Variants in HS6ST2 observed in about 807,000 individuals in gnomAD.
The protein encoded by HS6ST2 is heparan sulfate 6-O-sulfotransferase 2, also known as heparan-sulfate 6-O-sulfotransferase 2.
Under a neutral mutation model 33.0 loss-of-function variants are expected in HS6ST2, and 17 were observed. The observed-to-expected ratio is 0.52, with a 90% CI of 0.35 to 0.77. The LOEUF (loss-of-function observed/expected upper bound fraction) is 0.77, where lower values mean the gene tolerates loss of function less well. Ranked by LOEUF, HS6ST2 falls within the 30% of genes least tolerant of loss-of-function variation. The probability of loss-of-function intolerance (pLI) is 0.01; values close to 1 mark genes in which losing one functional copy is unlikely to be tolerated. For synonymous variants in HS6ST2, 248 were observed against 237.1 expected, an observed-to-expected ratio of 1.05 and a Z score of -0.42; for missense variants, 519 against 551.7, an observed-to-expected ratio of 0.94 and a Z score of 0.59.
At chrX:132,880,585 G>A (rs958664138) in intron 2 of HS6ST2, among the ~76,000 whole-genome samples, 25 of 107,716 alleles carry the variant, frequency 2.3e-4, no homozygotes, top group Admixed American at 8.9e-4. Flanking sequence ...AAGATGTGTC[G>A]CAAATTTAGC....
intron 2 of HS6ST2, among the ~76,000 whole-genome samples, chrX:132,932,203 AC>A (rs1411270303): frequency 1.9e-5 from 2 of 104,397 alleles, no homozygotes; most frequent in Non-Finnish European, 4.0e-5. Flanking sequence ...AAAAAAAAAT[AC>A]CCCAGCAAAA....
At chrX:132,720,739 T>G (rs1311025321) in intron 2 of HS6ST2, among the ~76,000 whole-genome samples, 4 of 104,904 alleles carry the variant, frequency 3.8e-5, no homozygotes, top group Admixed American at 3.1e-4. Context: ...AGATATTCCA[T>G]GCCAATGGAA....
intron 2 of HS6ST2, among the ~76,000 whole-genome samples, chrX:132,905,065 A>T (rs2066459147): frequency 9.0e-6 from 1 of 111,080 alleles, no homozygotes. Flanking sequence ...GGTCTTTCCC[A>T]TATTTATTTA....
intron 2 of HS6ST2, among the ~76,000 whole-genome samples, chrX:132,752,820 T>A (rs2064719612): frequency 8.9e-6 from 1 of 112,297 alleles, no homozygotes. Context: ...TGACATTATG[T>A]CTTGATTGAA....
At chrX:132,952,037 A>C (rs779186138) in intron 2 of HS6ST2, among the ~76,000 whole-genome samples, 1 of 112,120 alleles carries the variant, frequency 8.9e-6, no homozygotes, top group Admixed American at 9.5e-5. Flanking sequence ...ACGGATGGCT[A>C]TTCTTTTAAT....
intron 2 of HS6ST2, among the ~76,000 whole-genome samples, chrX:132,766,317 A>G (rs771795567): frequency 4.4e-5 from 5 of 112,428 alleles, no homozygotes; most frequent in Non-Finnish European, 9.4e-5. Context: ...TTTTGAAATG[A>G]TATGATTGAT....
At chrX:132,865,764 G>C (rs377314112) in intron 2 of HS6ST2, among the ~76,000 whole-genome samples, 1 of 112,086 alleles carries the variant, frequency 8.9e-6, no homozygotes, top group Admixed American at 9.4e-5. Context: ...TTTTTGGCTG[G>C]ATAAATGTCT....
chrX:132,697,842 G>A (rs1374675314), intron 3 of HS6ST2, among the ~76,000 whole-genome samples: 2 of 112,023 alleles, frequency 1.8e-5, no homozygotes. Context: ...GCCTGGCAGA[G>A]TAGTTGCTCA....
At chrX:132,726,276 C>T (rs2064391231) in intron 2 of HS6ST2, among the ~76,000 whole-genome samples, 1 of 109,923 alleles carries the variant, frequency 9.1e-6, no homozygotes, top group African/African-American at 3.3e-5. Context: ...TCAAGTACCC[C>T]AGAAATATAT....
intron 4 of HS6ST2, among the ~76,000 whole-genome samples, chrX:132,633,106 G>A (rs889720720): frequency 9.4e-6 from 1 of 106,870 alleles, no homozygotes; most frequent in Admixed American, 1.0e-4. Flanking sequence ...ATGAGTCAAG[G>A]AGAGAGGAAA....
chrX:132,889,424 G>T (rs766283725), intron 2 of HS6ST2, among the ~76,000 whole-genome samples: 86 of 110,967 alleles, frequency 7.8e-4, no homozygotes, highest in Non-Finnish European at 1.3e-3. Context: ...CAAGAGAAGG[G>T]GGGAAGTGGC....
chrX:132,821,826 A>G (rs1372979486), intron 2 of HS6ST2, among the ~76,000 whole-genome samples: 1 of 110,295 alleles, frequency 9.1e-6, no homozygotes, highest in Non-Finnish European at 1.9e-5. Flanking sequence ...CCCTATCTCT[A>G]CTAAAAATAC....
At position 132,653,475 on chromosome X, in the gene HS6ST2, T is replaced by G. The variant is rs182895997; in HGVS notation, c.1067+15638A>C. 1.5e-4 allele frequency among the ~76,000 whole-genome samples: 17 copies of G among 112,001 alleles called. No individual in the cohort carries two copies. In the East Asian group the frequency reaches 4.8e-3, roughly 31 times the overall value. ...CTGGAAAGGATCTCGTGTTTCTAGC[T>G]CCATTATTTGTGTTGATAGTGGTGA... On this transcript the variant is annotated intron_variant, in intron 4 of 4. Coordinates refer to ENST00000370833, the MANE Select transcript of HS6ST2 (RefSeq NM_001394073.1).
chrX:132,631,438 T>A (rs751704388), intron 4 of HS6ST2, among the ~76,000 whole-genome samples: 21 of 109,945 alleles, frequency 1.9e-4, no homozygotes, highest in Non-Finnish European at 4.0e-4. Flanking sequence ...TGCTAAAGAG[T>A]AGCAGCTTTT....
chrX:132,681,342 A>G (rs752085797), intron 3 of HS6ST2, among the ~76,000 whole-genome samples: 1 of 112,585 alleles, frequency 8.9e-6, no homozygotes, highest in Non-Finnish European at 1.9e-5. Flanking sequence ...AGTTTATGCA[A>G]ATATGGTTAT....
chrX:132,881,978 G>A (rs1014091787), intron 2 of HS6ST2, among the ~76,000 whole-genome samples: 7 of 111,192 alleles, frequency 6.3e-5, no homozygotes, highest in Non-Finnish European at 1.1e-4. Flanking sequence ...TGTTCCATTG[G>A]TCTATATCTC....
intron 4 of HS6ST2, among the ~76,000 whole-genome samples, chrX:132,644,302 G>C (rs932501094): frequency 5.4e-5 from 6 of 110,366 alleles, no homozygotes; most frequent in African/African-American, 2.0e-4. Flanking sequence ...ATCACAATGA[G>C]AAATTTGAAA....
At chrX:132,959,978 A>T (rs775897390), upstream of HS6ST2, among the ~76,000 whole-genome samples, 10 of 111,737 alleles carry the variant, frequency 8.9e-5, no homozygotes, top group Non-Finnish European at 1.9e-4. Flanking sequence ...GTGCCCCCAA[A>T]CCTACTGGGG....
chrX:132,939,386 A>T (rs960298927), intron 2 of HS6ST2, among the ~76,000 whole-genome samples: 1 of 111,056 alleles, frequency 9.0e-6, no homozygotes. Flanking sequence ...GCACTCTGGG[A>T]GGCCAAGGCG....
Sources: allele counts gnomAD v4.1 joint callset (sites outside exome capture counted in the v4.1 genomes callset), GRCh38; gene constraint gnomAD v4.1.1; transcripts MANE v1.5; gene names NCBI Gene and HGNC (gene_info 2026-07-23, HGNC 2026-07-21).